The following SDHC variants were observed in gnomAD, a reference collection of about 807,000 sequenced individuals.
The protein encoded by SDHC is succinate dehydrogenase complex subunit C, also known as succinate dehydrogenase cytochrome b560 subunit, mitochondrial.
In SDHC, 11 loss-of-function variants were observed where a neutral mutation model predicts 22.6. The ratio of observed to expected loss-of-function variants is 0.49; its 90% CI spans 0.31 to 0.81. The LOEUF is 0.81. Among genes scored for constraint, SDHC ranks in the 30% least tolerant of loss-of-function variants. The pLI is 0.05. For missense variants in SDHC, 160 were observed against 212.0 expected, an observed-to-expected ratio of 0.75 and a Z score of 1.52; for synonymous variants, 80 against 77.8, an observed-to-expected ratio of 1.03 and a Z score of -0.15.
intron 5 of SDHC, among the ~76,000 whole-genome samples, chr1:161,357,246 G>A (rs1394963390): frequency 6.6e-6 from 1 of 151,922 alleles, no homozygotes; most frequent in African/African-American, 2.4e-5. Context: ...CTTAAGGTTA[G>A]TTGTGACTCA....
intron 3 of SDHC, among the ~76,000 whole-genome samples, chr1:161,337,780 T>G (rs549648920): frequency 6.6e-6 from 1 of 152,344 alleles, no homozygotes; most frequent in South Asian, 2.1e-4. Context: ...TTTCTTCTAT[T>G]AGCTCTTTCA....
At chr1:161,326,941 T>C (rs1671078832) in intron 2 of SDHC, among the ~76,000 whole-genome samples, 1 of 151,926 alleles carries the variant, frequency 6.6e-6, no homozygotes, top group Admixed American at 6.6e-5. Context: ...AAAAATATTT[T>C]GATGTAGAGT....
At chr1:161,342,115 C>G (rs891609912) in intron 4 of SDHC, among the ~76,000 whole-genome samples, 1 of 152,132 alleles carries the variant, frequency 6.6e-6, no homozygotes, top group East Asian at 1.9e-4. Context: ...ACTGGCATTT[C>G]TGTGTGATGT....
At chr1:161,338,470 GTTC>G (rs1671579201) in intron 3 of SDHC, among the ~76,000 whole-genome samples, 1 of 152,106 alleles carries the variant, frequency 6.6e-6, no homozygotes, top group Non-Finnish European at 1.5e-5. Context: ...AGAGACTCTT[GTTC>G]TTTCCATTTT....
intron 3 of SDHC, among the ~76,000 whole-genome samples, chr1:161,330,289 T>C (rs1320825374): frequency 6.6e-6 from 1 of 152,192 alleles, no homozygotes; most frequent in African/African-American, 2.4e-5. Flanking sequence ...TATAATCCTT[T>C]TGAGGAACAT....
chr1:161,345,469 A>G (rs896795105), intron 4 of SDHC, among the ~76,000 whole-genome samples: 6 of 151,758 alleles, frequency 4.0e-5, no homozygotes, highest in Admixed American at 2.0e-4. Flanking sequence ...ATTTTATTTT[A>G]TTTTTGAGAC....
At position 161,362,286 on chromosome 1, in the gene SDHC, T is replaced by G. The variant is rs764636843; in HGVS notation, c.406-43T>G. 15 of 1,594,184 alleles carry G rather than the reference T, an allele frequency of 9.4e-6. No homozygotes were observed. Among genetic ancestry groups the G allele is most frequent in the Non-Finnish European group, 1.2e-5 (14 of 1,167,044 alleles). On this transcript the variant is annotated intron_variant, in intron 5 of 5. Coordinates refer to ENST00000367975, the MANE Select transcript of SDHC (RefSeq NM_003001.5). ...TCTGAGACAGGAACTGTTAATGTCC[T>G]ATTTACTGAAATTCCTTTTTTTTTT...
intron 2 of SDHC, among the ~76,000 whole-genome samples, chr1:161,324,983 T>C (rs183730103): frequency 6.6e-6 from 1 of 152,210 alleles, no homozygotes; most frequent in Non-Finnish European, 1.5e-5. Flanking sequence ...GAAGGATAGC[T>C]TGAGGCCAGG....
chr1:161,342,040 G>A (rs1290900524), intron 4 of SDHC, among the ~76,000 whole-genome samples: 1 of 152,044 alleles, frequency 6.6e-6, no homozygotes, highest in Admixed American at 6.6e-5. Context: ...TTTGGCTCTA[G>A]AAGTATCTTA....
chr1:161,325,118 G>A (rs988012851), intron 2 of SDHC, among the ~76,000 whole-genome samples: 27 of 152,226 alleles, frequency 1.8e-4, no homozygotes, highest in Admixed American at 1.3e-3. Flanking sequence ...AAGGCAGGAA[G>A]ATGGCTTGAG....
chr1:161,339,834 C>T (rs902008582), intron 3 of SDHC, among the ~76,000 whole-genome samples: 3 of 151,832 alleles, frequency 2.0e-5, no homozygotes, highest in Non-Finnish European at 2.9e-5. Flanking sequence ...GCATGTGCCA[C>T]CACATCCGGC....
intron 1 of SDHC, among the ~76,000 whole-genome samples, chr1:161,319,136 G>T (rs1321118571): frequency 6.6e-6 from 1 of 152,056 alleles, no homozygotes; most frequent in Non-Finnish European, 1.5e-5. Context: ...CAGGAGAATC[G>T]CTTGAACTCG....
intron 4 of SDHC, among the ~76,000 whole-genome samples, chr1:161,355,679 C>G (rs1672243324): frequency 6.6e-6 from 1 of 152,090 alleles, no homozygotes; most frequent in South Asian, 2.1e-4. Context: ...GGTAGCAACA[C>G]TAGAAGATAA....
chr1:161,350,785 C>G (rs1248820844), intron 4 of SDHC, among the ~76,000 whole-genome samples: 1 of 152,110 alleles, frequency 6.6e-6, no homozygotes, highest in Non-Finnish European at 1.5e-5. Context: ...AATTTGAGTG[C>G]ATTTAGGTGG....
chr1:161,331,845 C>G (rs544966724), intron 3 of SDHC, among the ~76,000 whole-genome samples: 1 of 151,592 alleles, frequency 6.6e-6, no homozygotes, highest in African/African-American at 2.4e-5. Context: ...TCTGCCCGCC[C>G]TGGCCTCCCA....
intron 4 of SDHC, among the ~76,000 whole-genome samples, chr1:161,352,915 T>G (rs1447108607): frequency 6.6e-6 from 1 of 152,054 alleles, no homozygotes; most frequent in Non-Finnish European, 1.5e-5. Context: ...AGGCGGAGGT[T>G]GCAGTCAGCT....
intron 3 of SDHC, chr1:161,339,671 T>TTGTTTGTTTGTTTG (rs1218681078): frequency 3.8e-5 from 13 of 339,138 alleles, no homozygotes; most frequent in African/African-American, 3.5e-4. Flanking sequence ...TGTTTTTTTT[T>TTGTTTGTTTGTTTG]TTTTTTTTTT....
chr1:161,359,654 T>C (rs1268233161), intron 5 of SDHC, among the ~76,000 whole-genome samples: 1 of 152,214 alleles, frequency 6.6e-6, no homozygotes, highest in Non-Finnish European at 1.5e-5. Flanking sequence ...GTGATGGTAA[T>C]CTTTTTGTTG....
At chr1:161,328,522 G>T (rs751536763) in intron 3 of SDHC, 25 bp downstream of exon 3, 2 of 1,500,484 alleles carry the variant, frequency 1.3e-6, no homozygotes, top group African/African-American at 1.4e-5. Context: ...TGGAGCCAGA[G>T]AATCTAGAGG....
Sources: gnomAD v4.1 joint callset for allele counts (sites outside exome capture counted in the v4.1 genomes callset) on GRCh38, gnomAD v4.1.1 for gene constraint, MANE v1.5 for transcripts, NCBI Gene and HGNC (gene_info 2026-07-23, HGNC 2026-07-21) for gene names.